Variants in DNAJC5B observed in about 807,000 individuals in gnomAD.
DNAJC5B encodes DnaJ heat shock protein family (Hsp40) member C5 beta.
A neutral mutation model predicts 24.7 loss-of-function variants in DNAJC5B; 23 were observed. The ratio of observed to expected loss-of-function variants is 0.93; its 90% confidence interval spans 0.67 to 1.32. The LOEUF is 1.32. Ranked by LOEUF, DNAJC5B falls within the 40% of genes most tolerant of loss-of-function variation. The pLI, the probability that DNAJC5B is intolerant of heterozygous loss-of-function variation, is 0.00. For synonymous variants in DNAJC5B, 101 were observed against 90.1 expected, an observed-to-expected ratio of 1.12 and a Z score of -0.68; for missense variants, 238 against 240.8, an observed-to-expected ratio of 0.99 and a Z score of 0.08.
chr8:66,058,615 T>C (rs1299008768), intron 3 of DNAJC5B, among the ~76,000 whole-genome samples: 1 of 152,250 alleles, frequency 6.6e-6, no homozygotes, highest in Admixed American at 6.5e-5. Context: ...TCTCCAGTTC[T>C]TCATTCTTTT....
At chr8:66,031,150 G>A (rs1313031872) in intron 1 of DNAJC5B, among the ~76,000 whole-genome samples, 1 of 152,138 alleles carries the variant, frequency 6.6e-6, no homozygotes, top group Non-Finnish European at 1.5e-5. Context: ...CAATTAATAT[G>A]ATTCTTTAAT....
chr8:66,083,606 T>C (rs760550740), intron 5 of DNAJC5B, among the ~76,000 whole-genome samples: 5 of 152,204 alleles, frequency 3.3e-5, no homozygotes, highest in Non-Finnish European at 7.3e-5. Flanking sequence ...TAGAGCCCAA[T>C]GGACACATTC....
chr8:66,060,823 T>C (rs1807064494), intron 3 of DNAJC5B, among the ~76,000 whole-genome samples: 1 of 152,328 alleles, frequency 6.6e-6, no homozygotes, highest in East Asian at 1.9e-4. Context: ...TCAACGAATA[T>C]GTATTGAGCA....
At chr8:66,068,102 T>C (rs1807262803) in intron 3 of DNAJC5B, among the ~76,000 whole-genome samples, 1 of 152,182 alleles carries the variant, frequency 6.6e-6, no homozygotes, top group Non-Finnish European at 1.5e-5. Context: ...AAAAACACTT[T>C]CTGGTTTAAG....
At chr8:66,083,095 G>A (rs192248416) in intron 5 of DNAJC5B, among the ~76,000 whole-genome samples, 77 of 128,960 alleles carry the variant, frequency 6.0e-4, no homozygotes, top group African/African-American at 2.2e-3. Context: ...CACTGCAACC[G>A]CCGCCTCCCG....
intron 1 of DNAJC5B, among the ~76,000 whole-genome samples, chr8:66,031,453 C>A (rs180817144): frequency 6.6e-6 from 1 of 152,170 alleles, no homozygotes; most frequent in African/African-American, 2.4e-5. Flanking sequence ...TAAAAGCAAC[C>A]TATTTTTTTT....
At chr8:66,068,171 A>G (rs1272365685) in intron 3 of DNAJC5B, among the ~76,000 whole-genome samples, 1 of 152,242 alleles carries the variant, frequency 6.6e-6, no homozygotes, top group Non-Finnish European at 1.5e-5. Flanking sequence ...AATGTTTGAC[A>G]CAGAGATAAG....
At chr8:66,077,018 T>G in intron 4 of DNAJC5B, 145 bp downstream of exon 4, 1 of 782,694 alleles carries the variant, frequency 1.3e-6, no homozygotes, top group Non-Finnish European at 2.1e-6. Flanking sequence ...TGAATGCTAT[T>G]ATTTAGGATC....
chr8:66,096,113 A>C (rs1409255478), intron 5 of DNAJC5B, among the ~76,000 whole-genome samples: 2 of 152,182 alleles, frequency 1.3e-5, no homozygotes, highest in Non-Finnish European at 2.9e-5. Context: ...ACAGTTCTGG[A>C]GGTCAGAAGT....
intron 1 of DNAJC5B, among the ~76,000 whole-genome samples, chr8:66,029,017 C>T (rs1038214732): frequency 6.6e-6 from 1 of 152,172 alleles, no homozygotes; most frequent in Non-Finnish European, 1.5e-5. Context: ...CTTCAATTTT[C>T]CAGCTTGCCC....
At chr8:66,088,974 G>T (rs540936452) in intron 5 of DNAJC5B, among the ~76,000 whole-genome samples, 73 of 152,014 alleles carry the variant, frequency 4.8e-4, no homozygotes, top group African/African-American at 1.6e-3. Flanking sequence ...ATATTTTCAG[G>T]TTATCTTTAT....
intron 3 of DNAJC5B, among the ~76,000 whole-genome samples, chr8:66,070,813 C>T (rs28825143): frequency 0.35 from 53,382 of 151,938 alleles, 12,880 homozygotes; most frequent in African/African-American, 0.68. Context: ...GCTACAAGGC[C>T]ACAGTAATCA....
chr8:66,078,636 A>G (rs1487478471), intron 4 of DNAJC5B, among the ~76,000 whole-genome samples: 1 of 152,214 alleles, frequency 6.6e-6, no homozygotes, highest in Non-Finnish European at 1.5e-5. Context: ...TCTTGGGGCA[A>G]TGGCTCAAGA....
chr8:66,073,467 G>GCACA (rs1807394609), intron 3 of DNAJC5B, among the ~76,000 whole-genome samples: 1 of 150,928 alleles, frequency 6.6e-6, no homozygotes, highest in African/African-American at 2.5e-5. Flanking sequence ...AATAGGTTGT[G>GCACA]TGAATGTGCA....
At chr8:66,018,132 G>A (rs1443562090), upstream of DNAJC5B, among the ~76,000 whole-genome samples, 1 of 152,138 alleles carries the variant, frequency 6.6e-6, no homozygotes, top group Non-Finnish European at 1.5e-5. Context: ...TCCACCATCA[G>A]GCCTAGGAAC....
At chr8:66,021,997 A>G (rs1019997768) in intron 1 of DNAJC5B, among the ~76,000 whole-genome samples, 3 of 152,226 alleles carry the variant, frequency 2.0e-5, no homozygotes, top group African/African-American at 7.2e-5. Context: ...ATTTTAATAG[A>G]AGCCAGTACA....
At chr8:66,060,520 G>C (rs1421462712) in intron 3 of DNAJC5B, among the ~76,000 whole-genome samples, 1 of 152,222 alleles carries the variant, frequency 6.6e-6, no homozygotes, top group Non-Finnish European at 1.5e-5. Flanking sequence ...TCAAAGAGCA[G>C]CCCTACCGTA....
At chr8:66,055,212 T>C (rs1036825595) in intron 3 of DNAJC5B, among the ~76,000 whole-genome samples, 2 of 151,858 alleles carry the variant, frequency 1.3e-5, no homozygotes, top group Non-Finnish European at 2.9e-5. Context: ...GTGATTAGGG[T>C]ACTAGTATGC....
At chr8:66,097,394 T>C (rs2128967445) in intron 5 of DNAJC5B, among the ~76,000 whole-genome samples, 1 of 152,140 alleles carries the variant, frequency 6.6e-6, no homozygotes, top group East Asian at 1.9e-4. Context: ...ACAAGAATTT[T>C]GTAACACGTT....
Sources: allele counts gnomAD v4.1 joint callset (sites outside exome capture counted in the v4.1 genomes callset), GRCh38; gene constraint gnomAD v4.1.1; transcripts MANE v1.5; gene names NCBI Gene and HGNC (gene_info 2026-07-23, HGNC 2026-07-21).